The following CCDC18 variants were observed in gnomAD, a reference collection of about 807,000 sequenced individuals.
CCDC18 encodes coiled-coil domain containing 18.
In CCDC18, 157 loss-of-function variants were observed where a neutral mutation model predicts 196.0. The observed-to-expected ratio is 0.80, with a 90% CI of 0.70 to 0.91. The LOEUF is 0.91. Among genes scored for constraint, CCDC18 ranks in the 40% least tolerant of loss-of-function variants. CCDC18 has a pLI of 0.00. For synonymous variants in CCDC18, 482 were observed against 529.2 expected, an observed-to-expected ratio of 0.91 and a Z score of 1.22; for missense variants, 1,465 against 1,611.6, an observed-to-expected ratio of 0.91 and a Z score of 1.56.
chr1:93,226,492 AT>A (rs575481704), intron 17 of CCDC18, 43 bp downstream of exon 17: 26 of 804,586 alleles, frequency 3.2e-5, no homozygotes, highest in South Asian at 1.1e-4. Context: ...ATTTCAAGTG[AT>A]TTTTTTTAAG....
chr1:93,237,280 T>C (rs1660186137), intron 19 of CCDC18, among the ~76,000 whole-genome samples: 1 of 152,208 alleles, frequency 6.6e-6, no homozygotes, highest in African/African-American at 2.4e-5. Context: ...CTCACTAACA[T>C]GGCCTCACCA....
chr1:93,274,520 T>G (rs1665523633), intron 28 of CCDC18, among the ~76,000 whole-genome samples: 1 of 152,114 alleles, frequency 6.6e-6, no homozygotes, highest in African/African-American at 2.4e-5. Context: ...ACCTATTCAA[T>G]TATCATTGAA....
In CCDC18 at chr1:93,186,495, AGAGCAAAAGTATGTATCTT is replaced by A. The variant is rs1650699398; in HGVS notation, c.457_462+13del. 1.3e-6 allele frequency: 2 copies of A among 1,596,052 alleles called. No homozygotes were observed. The highest frequency in any genetic ancestry group is 3.5e-5 in the Admixed American group (2 of 56,544). ...TATTCACTTTGAATTAACACAGTCA[AGAGCAAAAGTATGTATCTT>A]GAAATAAGTTTGCCAACAGAAAATA... On this transcript the variant is annotated splice_donor_variant and splice_donor_5th_base_variant and coding_sequence_variant and intron_variant, in exon 4 of 29. Transcript: ENST00000690025. LOFTEE classifies it high-confidence loss of function.
chr1:93,185,450 G>A (rs1387105509), intron 3 of CCDC18, among the ~76,000 whole-genome samples: 1 of 152,024 alleles, frequency 6.6e-6, no homozygotes, highest in Non-Finnish European at 1.5e-5. Flanking sequence ...CAAGTATCCA[G>A]TAATAGGGGG....
In CCDC18 at chr1:93,192,143, T is replaced by G. The variant is rs971176961; in HGVS notation, c.569+37T>G. ...TTTTATAGCTCTCAAAGTTTTATTT[T>G]CTACTTATACATTTTATTATATCTT... On this transcript the variant is annotated intron_variant, in intron 5 of 28. Transcript: ENST00000690025. 1.1e-5 allele frequency: 14 copies of G among 1,318,376 alleles called. No homozygotes were observed. The African/African-American group carries it at 1.8e-4, about 17-fold the overall frequency. The allele number at this position is 1,318,376 out of a possible 1,614,324, so 81.7% of individuals were successfully genotyped here.
At chr1:93,204,257 GGAC>G (rs1454563371) in intron 7 of CCDC18, among the ~76,000 whole-genome samples, 1 of 152,102 alleles carries the variant, frequency 6.6e-6, no homozygotes, top group African/African-American at 2.4e-5. Flanking sequence ...TAATGAAATA[GGAC>G]ATTTCTTTAT....
intron 5 of CCDC18, 38 bp downstream of exon 5, chr1:93,192,144 C>T (rs755828558): frequency 7.7e-7 from 1 of 1,302,044 alleles, no homozygotes; most frequent in Non-Finnish European, 1.1e-6. Context: ...GTTTTATTTT[C>T]TACTTATACA....
At chr1:93,217,036 G>A (rs968235688) in intron 13 of CCDC18, among the ~76,000 whole-genome samples, 1 of 148,982 alleles carries the variant, frequency 6.7e-6, no homozygotes, top group African/African-American at 2.5e-5. Flanking sequence ...CTGGGTTCAC[G>A]CCATTCTCCT....
chr1:93,188,566 C>A (rs77409202), intron 4 of CCDC18, among the ~76,000 whole-genome samples: 3,081 of 152,292 alleles, frequency 0.02, 99 homozygotes, highest in African/African-American at 0.07. Flanking sequence ...TAGGGCATTA[C>A]TCCCTTCTAT....
chr1:93,212,412 T>C (rs1655804211), intron 11 of CCDC18, 151 bp downstream of exon 11: 2 of 477,928 alleles, frequency 4.2e-6, no homozygotes, highest in Non-Finnish European at 7.2e-6. Flanking sequence ...GTCATGGAGG[T>C]TTGTTTTACA....
At position 93,265,657 on chromosome 1, in the gene CCDC18, C is replaced by T. The variant is rs544030778; in HGVS notation, c.3885+756C>T. Among the ~76,000 whole-genome samples, 10 of 152,052 alleles carry T rather than the reference C, an allele frequency of 6.6e-5. No homozygotes were observed. The South Asian group carries it at 2.1e-3, about 32-fold the overall frequency. ...AATTGGCACTCTAGCCACTTTAAAC[C>T]AACAGGCTTTAAACCAACAAAGATC... On this transcript the variant is annotated intron_variant, in intron 27 of 28. Transcript: ENST00000690025.
intron 6 of CCDC18, among the ~76,000 whole-genome samples, chr1:93,193,977 G>C (rs991538753): frequency 6.6e-6 from 1 of 151,952 alleles, no homozygotes; most frequent in East Asian, 1.9e-4. Context: ...AACTGATAAC[G>C]ATTATCAGTT....
chr1:93,184,177 G>T (rs1488343017), intron 3 of CCDC18, 31 bp downstream of exon 3: 3 of 1,305,484 alleles, frequency 2.3e-6, no homozygotes, highest in Non-Finnish European at 3.0e-6. Flanking sequence ...CTAGTTAAAA[G>T]AAGTTTTGGT....
intron 18 of CCDC18, among the ~76,000 whole-genome samples, chr1:93,234,394 T>C (rs538246918): frequency 2.0e-5 from 3 of 152,082 alleles, no homozygotes; most frequent in East Asian, 3.9e-4. Context: ...TCTCTTGATC[T>C]TGTGATTCGC....
At chr1:93,199,245 C>A (rs1393177365) in intron 6 of CCDC18, among the ~76,000 whole-genome samples, 1 of 152,214 alleles carries the variant, frequency 6.6e-6, no homozygotes, top group Admixed American at 6.5e-5. Context: ...CAAGGGTGAG[C>A]TAGGTGCAGA....
At chr1:93,236,937 G>A (rs562281058) in intron 19 of CCDC18, among the ~76,000 whole-genome samples, 194 of 152,222 alleles carry the variant, frequency 1.3e-3, no homozygotes, top group Admixed American at 1.8e-3. Flanking sequence ...CCCAGGCATC[G>A]ATACTTAATT....
At chr1:93,251,121 A>G (rs762466546) in intron 23 of CCDC18, among the ~76,000 whole-genome samples, 21 of 152,168 alleles carry the variant, frequency 1.4e-4, no homozygotes, top group Non-Finnish European at 2.8e-4. Flanking sequence ...TATCTCTCAC[A>G]GGTTTTTGCT....
At chr1:93,262,703 G>A (rs1663973686) in intron 26 of CCDC18, among the ~76,000 whole-genome samples, 2 of 152,166 alleles carry the variant, frequency 1.3e-5, no homozygotes, top group African/African-American at 4.8e-5. Context: ...CAAGCTGTTG[G>A]TGGATCTACC....
Position 93,270,491 on chromosome 1 carries a change from T to C in CCDC18, c.4030T>C (p.Ser1344Pro). ...AAAATTTGCTAAATGTTTTCACACA[T>C]CTTTTTCCAAGTGTACAAAATTACG... ...DPKFAKCFHT[S>P]FSKCTKLRRS... Residue 1344 changes from serine (S) to proline (P), a missense_variant, in exon 28 of 29, where the codon TCT becomes CCT. Coordinates refer to ENST00000690025, the MANE Select transcript of CCDC18 (RefSeq NM_001378204.1). 6.4e-7 allele frequency: 1 copy of C among 1,550,436 alleles called. No homozygotes were observed. Among genetic ancestry groups the C allele is most frequent in the Non-Finnish European group, 8.7e-7 (1 of 1,146,890 alleles).
Sources: allele counts gnomAD v4.1 joint callset (sites outside exome capture counted in the v4.1 genomes callset), GRCh38; gene constraint gnomAD v4.1.1; transcripts MANE v1.5; gene names NCBI Gene and HGNC (gene_info 2026-07-23, HGNC 2026-07-21).